SAXO1: variants seen among roughly 807,000 people sequenced by gnomAD.
SAXO1 encodes 4930500O09Rik.
A neutral mutation model predicts 17.5 loss-of-function variants in SAXO1; 21 were observed. The ratio of observed to expected loss-of-function variants is 1.20; its 90% confidence interval spans 0.85 to 1.72. The LOEUF (loss-of-function observed/expected upper bound fraction) is 1.72, where lower values mean the gene tolerates loss of function less well. Among genes scored for constraint, SAXO1 ranks in the 40% most tolerant of loss-of-function variants. SAXO1 has a pLI of 0.00. For missense variants in SAXO1, 843 were observed against 596.0 expected (o/e 1.41, Z -4.32); for synonymous variants, 274 against 216.5 (o/e 1.27, Z -2.33).
intron 1 of SAXO1, among the ~76,000 whole-genome samples, chr9:19,020,115 G>T (rs1247863793): frequency 6.6e-6 from 1 of 151,354 alleles, no homozygotes; most frequent in African/African-American, 2.4e-5. Context: ...TACCTCCATT[G>T]AGCGTAGCAC....
chr9:18,998,020 C>T (rs982422507), intron 1 of SAXO1, among the ~76,000 whole-genome samples: 2 of 152,164 alleles, frequency 1.3e-5, no homozygotes, highest in Admixed American at 6.5e-5. Flanking sequence ...GAAACCAGAG[C>T]AGAAAGGCTG....
chr9:18,928,640 T>C lies in SAXO1; in HGVS notation c.837A>G (p.Gln279=), dbSNP rs757395394. The C allele has an allele frequency of 6.2e-7, 1 of 1,614,090 alleles. No individual in the cohort carries two copies. The highest frequency in any genetic ancestry group is 2.2e-5 in the East Asian group (1 of 44,872). Residue 279 remains glutamine, a synonymous_variant, in exon 4 of 4, where the codon CAA becomes CAG. Transcript: ENST00000380534. ...CNTTEFRDKY[Q]AWPMPRMFSK... is the part of the protein sequence containing the mutation. ...AGAACATCCGGGGCATTGGCCAAGC[T>C]TGGTACTTATCTCGAAACTCAGTGG...
chr9:19,036,974 T>C (rs1404497237), upstream of SAXO1, among the ~76,000 whole-genome samples: 1 of 152,162 alleles, frequency 6.6e-6, no homozygotes, highest in Non-Finnish European at 1.5e-5. Context: ...TCCAAGACCA[T>C]GGGAATTCAC....
chr9:19,048,490 G>C (rs1420704999), intron 1 of SAXO1, among the ~76,000 whole-genome samples: 3 of 151,360 alleles, frequency 2.0e-5, no homozygotes, highest in Admixed American at 1.3e-4. Context: ...GGTAGATACA[G>C]AGGCTTCAGT....
At chr9:18,976,130 A>G (rs986178163) in intron 1 of SAXO1, among the ~76,000 whole-genome samples, 5 of 152,218 alleles carry the variant, frequency 3.3e-5, no homozygotes, top group Admixed American at 6.5e-5. Context: ...GTGTGCACAC[A>G]TATGACATAA....
chr9:18,981,596 C>G (rs946776324), intron 1 of SAXO1, among the ~76,000 whole-genome samples: 4 of 152,150 alleles, frequency 2.6e-5, no homozygotes, highest in African/African-American at 7.2e-5. Flanking sequence ...AATCCACTCT[C>G]CTTTTCTGTG....
chr9:18,941,520 G>A (rs566770238), intron 3 of SAXO1, 117 bp downstream of exon 3: 211 of 1,166,806 alleles, frequency 1.8e-4, no homozygotes, highest in African/African-American at 6.5e-4. Context: ...GATCTGGCCC[G>A]TAGGAAGTAG....
rs142371650 is a variant in SAXO1, at chr9:19,042,661, A to G, written c.-158+6548T>C. Among the ~76,000 whole-genome samples, 1,132 of 151,504 alleles carry G rather than the reference A, an allele frequency of 7.5e-3. 13 individuals carry two copies. Among genetic ancestry groups the G allele is most frequent in the African/African-American group, 0.026 (1,090 of 41,258 alleles). On this transcript the variant is annotated intron_variant, in intron 1 of 3. Coordinates refer to the SAXO1 transcript ENST00000542071. ...GCGGATCACCAGAGGTTGGGAATTC[A>G]AAACCAGCCCGACCAACATGGAGAA...
chr9:19,016,043 T>C (rs537414233), intron 1 of SAXO1, among the ~76,000 whole-genome samples: 4 of 152,286 alleles, frequency 2.6e-5, no homozygotes, highest in South Asian at 4.1e-4. Context: ...GACATTCACA[T>C]GCAGGGGAAG....
intron 3 of SAXO1, among the ~76,000 whole-genome samples, chr9:18,931,044 A>G (rs574603228): frequency 6.6e-6 from 1 of 152,368 alleles, no homozygotes; most frequent in South Asian, 2.1e-4. Flanking sequence ...TCTAATTTGC[A>G]TAATAAAAGG....
At chr9:18,977,453 GA>G (rs1364968892) in intron 1 of SAXO1, among the ~76,000 whole-genome samples, 1 of 152,110 alleles carries the variant, frequency 6.6e-6, no homozygotes, top group African/African-American at 2.4e-5. Flanking sequence ...ATCTACATAG[GA>G]GGTGTCTAAG....
At chr9:19,039,451 G>A (rs562129097) in intron 1 of SAXO1, among the ~76,000 whole-genome samples, 1 of 152,288 alleles carries the variant, frequency 6.6e-6, no homozygotes, top group Non-Finnish European at 1.5e-5. Flanking sequence ...ATTTAAGTTG[G>A]ATGTACCTGT....
chr9:19,020,927 C>T (rs756226864), intron 1 of SAXO1, among the ~76,000 whole-genome samples: 39 of 152,230 alleles, frequency 2.6e-4, no homozygotes, highest in Non-Finnish European at 5.0e-4. Flanking sequence ...GGGAATCCAC[C>T]TAACCTAATA....
chr9:18,958,911 C>T (rs528831047), intron 1 of SAXO1, among the ~76,000 whole-genome samples: 4 of 152,042 alleles, frequency 2.6e-5, no homozygotes, highest in Middle Eastern at 3.4e-3. Context: ...ACCGTATTTG[C>T]GAAGAAGGAA....
chr9:19,047,900 G>A (rs1413077174), intron 1 of SAXO1, among the ~76,000 whole-genome samples: 1 of 152,162 alleles, frequency 6.6e-6, no homozygotes, highest in Non-Finnish European at 1.5e-5. Flanking sequence ...CGAAAGAACG[G>A]GGAAGGGAAA....
chr9:19,009,426 C>A (rs920286365), intron 1 of SAXO1, among the ~76,000 whole-genome samples: 5 of 152,058 alleles, frequency 3.3e-5, no homozygotes, highest in Middle Eastern at 3.2e-3. Flanking sequence ...TAGGAATACC[C>A]GGAGATATAG....
intron 1 of SAXO1, among the ~76,000 whole-genome samples, chr9:19,020,433 C>A (rs922509890): frequency 4.0e-5 from 6 of 151,838 alleles, no homozygotes; most frequent in Non-Finnish European, 5.9e-5. Flanking sequence ...ATCACTGCAA[C>A]CTCCGCCTCC....
rs565060224 is a variant in SAXO1 at position 19,006,511 on chromosome 9, G to A, written c.38+26360C>T. On this transcript the variant is annotated intron_variant, in intron 1 of 3. Transcript: ENST00000380534. Reference sequence around the variant, plus strand: ...GACAAATTGCTAAGTGAAATAAGCCGGTCACAACAGAACAAATATTGTATG... The same window carrying A: ...GACAAATTGCTAAGTGAAATAAGCCAGTCACAACAGAACAAATATTGTATG... 3.2e-3 allele frequency among the ~76,000 whole-genome samples: 484 copies of A among 152,264 alleles called. 7 individuals are homozygous for A. The South Asian group carries it at 0.045, about 14-fold the overall frequency.
chr9:19,010,281 G>C lies in SAXO1; in HGVS notation c.38+22590C>G, dbSNP rs1049113792. Among the ~76,000 whole-genome samples, 18 of 152,198 alleles carry C rather than the reference G, an allele frequency of 1.2e-4. No homozygotes were observed. In the Middle Eastern group the frequency reaches 0.014, roughly 115 times the overall value. On this transcript the variant is annotated intron_variant, in intron 1 of 3. Coordinates refer to ENST00000380534, the MANE Select transcript of SAXO1 (RefSeq NM_153707.4). ...GCAACCAGTGCCACGTGCAGTAGAG[G>C]GGTGGCCCTGGCACATGGTCATGGC... is the stretch of plus-strand genomic sequence containing the variant.
Sources: gnomAD v4.1 joint callset for allele counts (sites outside exome capture counted in the v4.1 genomes callset) on GRCh38, gnomAD v4.1.1 for gene constraint, MANE v1.5 for transcripts, NCBI Gene and HGNC (gene_info 2026-07-23, HGNC 2026-07-21) for gene names.